Variants in ADAT1 observed in about 807,000 individuals in gnomAD.
ADAT1 encodes the protein tRNA-specific adenosine deaminase 1.
A neutral mutation model predicts 58.6 loss-of-function variants in ADAT1; 58 were observed. The ratio of observed to expected loss-of-function variants is 0.99; its 90% CI spans 0.80 to 1.23. ADAT1 has a LOEUF of 1.23. Ranked by LOEUF, ADAT1 falls within the 50% of genes most tolerant of loss-of-function variation. The pLI is 0.00. For synonymous variants in ADAT1, 254 were observed against 220.8 expected (o/e 1.15, Z -1.33); for missense variants, 741 against 608.6 (o/e 1.22, Z -2.29).
Position 75,620,650 on chromosome 16 carries a change from G to A in ADAT1, c.150C>T (p.Thr50=), listed in dbSNP as rs770042395. 18 of 1,613,250 alleles carry A rather than the reference G, an allele frequency of 1.1e-5. No homozygotes were observed. The African/African-American group carries it at 1.2e-4, about 11-fold the overall frequency. Residue 50 remains threonine, a synonymous_variant, in exon 2 of 10, where the codon ACC becomes ACT. Transcript: ENST00000564657. ...IQSPADKACD[T]PDKPVQVTKE... is the part of the protein sequence containing the mutation. ...TCTCACCTTGCACCGGCTTATCAGG[G>A]GTGTCGCAGGCCTTGTCAGCTGGAG... is the stretch of plus-strand genomic sequence containing the variant.
rs2081575124 is a variant in ADAT1 at position 75,612,523 on chromosome 16, C to CT, written c.762dup (p.Asp255ArgfsTer4). 1.2e-6 allele frequency: 2 copies of CT among 1,614,068 alleles called. No individual in the cohort carries two copies. The highest frequency in any genetic ancestry group is 1.7e-6 in the Non-Finnish European group (2 of 1,180,042). On this transcript the variant is annotated frameshift_variant, in exon 6 of 10. Transcript: ENST00000564657. LOFTEE classifies it high-confidence loss of function. ...CACTTGGCTCCAGTTCTATAAACGT[C>CT]TATCACTTTGGCACTACCAGGGGCT...
At chr16:75,608,588 G>C (rs1438944850) in intron 7 of ADAT1, 3 of 583,918 alleles carry the variant, frequency 5.1e-6, no homozygotes, top group African/African-American at 1.9e-5. Context: ...ATTTCTCACT[G>C]AATCTTCCCA....
At chr16:75,620,021 G>C (rs781731174) in intron 3 of ADAT1, among the ~76,000 whole-genome samples, 8 of 152,118 alleles carry the variant, frequency 5.3e-5, no homozygotes, top group Non-Finnish European at 1.0e-4. Context: ...CAGGGACTCT[G>C]TGGTTTGAGC....
intron 8 of ADAT1, 95 bp downstream of exon 8, chr16:75,608,129 T>C: frequency 2.8e-6 from 3 of 1,059,798 alleles, no homozygotes; most frequent in South Asian, 2.6e-5. Flanking sequence ...ATGGGTATGG[T>C]TGTTCTTTTT....
chr16:75,620,493 C>T lies in ADAT1; in HGVS notation c.169+138G>A, dbSNP rs919320182. The T allele has an allele frequency of 9.4e-6, 13 of 1,390,142 alleles. No individual in the cohort carries two copies. The African/African-American group carries it at 1.1e-4, about 12-fold the overall frequency. 86.1% of individuals were successfully genotyped at this position (1,390,142 alleles called of 1,614,324 possible). ...CGGTCTCCCGCCATCAGAGGTACTG[C>T]GTCACCTAGCAGAGGACAAGCACAT... On this transcript the variant is annotated intron_variant, in intron 2 of 9. Coordinates refer to ENST00000564657, the MANE Select transcript of ADAT1 (RefSeq NM_001324445.2).
chr16:75,619,179 T>C (rs1242961801), intron 3 of ADAT1, among the ~76,000 whole-genome samples: 1 of 152,242 alleles, frequency 6.6e-6, no homozygotes, highest in South Asian at 2.1e-4. Context: ...GCAAGGAGAA[T>C]GGTAGAAGCC....
Position 75,598,310 on chromosome 16 carries a change from G to C in ADAT1, c.*1906C>G. ...AGGATGGTCTTGATCTCCTGACGTC[G>C]TGATCTGCCCACCTCGGCCTCCTAA... is the stretch of plus-strand genomic sequence containing the variant. On this transcript the variant is annotated 3_prime_UTR_variant, in exon 10 of 10. Transcript: ENST00000564657. 3.4e-6 allele frequency: 1 copy of C among 297,066 alleles called. No individual in the cohort carries two copies. Among genetic ancestry groups the C allele is most frequent in the Non-Finnish European group, 7.0e-6 (1 of 143,880 alleles). 18.4% of individuals were successfully genotyped at this position (297,066 alleles called of 1,614,324 possible).
intron 9 of ADAT1, chr16:75,601,736 T>C (rs2081236374): frequency 6.6e-6 from 1 of 152,190 alleles, no homozygotes; most frequent in Admixed American, 6.5e-5. Context: ...CCAGCCTGGT[T>C]AACAGGAGCA....
Position 75,598,446 on chromosome 16 carries a change from T to C in ADAT1, c.*1770A>G, listed in dbSNP as rs1480341586. ...TTAAGAAACAGCTCTAGGAAACTAT[T>C]ACAGGCACAAAATTTGTGATGAAAA... On this transcript the variant is annotated 3_prime_UTR_variant, in exon 10 of 10. Coordinates refer to ENST00000564657, the MANE Select transcript of ADAT1 (RefSeq NM_001324445.2). 1 of 159,170 alleles carries C rather than the reference T, an allele frequency of 6.3e-6. No homozygotes were observed. Among genetic ancestry groups the C allele is most frequent in the Non-Finnish European group, 1.4e-5 (1 of 70,670 alleles). 9.9% of individuals were successfully genotyped at this position (159,170 alleles called of 1,614,324 possible). A position where few individuals can be genotyped will look rare whatever the true frequency, so the allele number is the denominator to read the frequency against.
At position 75,599,821 on chromosome 16, in the gene ADAT1, A is replaced by C; in HGVS notation, c.*395T>G. On this transcript the variant is annotated 3_prime_UTR_variant, in exon 10 of 10. Transcript: ENST00000564657. ...TGGGAATACAAAATATATATTCGCT[A>C]TGCTAGGCAAAGCTGTAAAACTTGC... 1 of 994,682 alleles carries C rather than the reference A, an allele frequency of 1.0e-6. No homozygotes were observed. Among genetic ancestry groups the C allele is most frequent in the Non-Finnish European group, 1.2e-6 (1 of 835,796 alleles). The allele number at this position is 994,682 out of a possible 1,614,324, so 61.6% of individuals were successfully genotyped here.
chr16:75,617,470 G>C (rs2081771109), intron 4 of ADAT1, among the ~76,000 whole-genome samples, 198 bp from the exon 5 acceptor site: 1 of 152,024 alleles, frequency 6.6e-6, no homozygotes, highest in South Asian at 2.1e-4. Context: ...CTGGGAATTT[G>C]TTAGACCTCC....
chr16:75,599,891 A>C lies in ADAT1; in HGVS notation c.*325T>G. ...CAGCTCAATAAATATTTGCTGAATC[A>C]ATGTAGGAACCCATAAAACAGAGCT... On this transcript the variant is annotated 3_prime_UTR_variant, in exon 10 of 10. Coordinates refer to ENST00000564657, the MANE Select transcript of ADAT1 (RefSeq NM_001324445.2). 1 of 1,040,898 alleles carries C rather than the reference A, an allele frequency of 9.6e-7. No individual in the cohort carries two copies. The highest frequency in any genetic ancestry group is 1.2e-6 in the Non-Finnish European group (1 of 865,916). The allele number at this position is 1,040,898 out of a possible 1,614,324, so 64.5% of individuals were successfully genotyped here. A position where few individuals can be genotyped will look rare whatever the true frequency, so the allele number is the denominator to read the frequency against.
At chr16:75,612,972 G>A (rs1006203439) in intron 5 of ADAT1, 111 bp from the exon 6 acceptor site, 43 of 1,328,894 alleles carry the variant, frequency 3.2e-5, no homozygotes, top group Non-Finnish European at 4.3e-5. Context: ...GGGACCCACA[G>A]TAGACCTGCT....
chr16:75,613,717 C>G (rs371416359), intron 5 of ADAT1, among the ~76,000 whole-genome samples: 28 of 152,212 alleles, frequency 1.8e-4, no homozygotes, highest in African/African-American at 6.5e-4. Flanking sequence ...GCCAATAGGA[C>G]TACCAGTCCC....
intron 9 of ADAT1, among the ~76,000 whole-genome samples, chr16:75,601,525 G>C (rs567395308): frequency 6.6e-6 from 1 of 152,128 alleles, no homozygotes; most frequent in African/African-American, 2.4e-5. Context: ...GGGAGGCTGA[G>C]GCAGGTGGAT....
At chr16:75,609,430 G>A (rs2081459275) in intron 6 of ADAT1, among the ~76,000 whole-genome samples, 1 of 151,956 alleles carries the variant, frequency 6.6e-6, no homozygotes. Flanking sequence ...GAATGAAGCA[G>A]ATAGCAACTG....
At chr16:75,601,583 C>A (rs546815092) in intron 9 of ADAT1, among the ~76,000 whole-genome samples, 1 of 151,788 alleles carries the variant, frequency 6.6e-6, no homozygotes, top group Non-Finnish European at 1.5e-5. Flanking sequence ...ATGGTGAAAC[C>A]CCGTCCCTAC....
chr16:75,605,400 A>C (rs1466216391), intron 8 of ADAT1, among the ~76,000 whole-genome samples: 1 of 151,918 alleles, frequency 6.6e-6, no homozygotes, highest in Admixed American at 6.6e-5. Context: ...ATTCCTTATG[A>C]TTTTCTTAAT....
intron 3 of ADAT1, chr16:75,619,892 T>TAAAA: frequency 8.9e-6 from 1 of 112,680 alleles, no homozygotes; most frequent in South Asian, 1.7e-4. Context: ...AGACTCCGAG[T>TAAAA]CAAAAAAAAA....
Sources: gnomAD v4.1 joint callset for allele counts (sites outside exome capture counted in the v4.1 genomes callset) on GRCh38, gnomAD v4.1.1 for gene constraint, MANE v1.5 for transcripts, NCBI Gene and HGNC (gene_info 2026-07-23, HGNC 2026-07-21) for gene names.